DNM3: variants seen among roughly 807,000 people sequenced by gnomAD.
DNM3 encodes dynamin 3, also known as dynamin-3.
DNM3 carries 47 observed loss-of-function variants against 101.6 expected under a neutral mutation model. The ratio of observed to expected loss-of-function variants is 0.46; its 90% CI spans 0.37 to 0.59. The LOEUF is 0.59. Ranked by LOEUF, DNM3 falls within the 20% of genes least tolerant of loss-of-function variation. DNM3 has a pLI of 0.00. For missense variants in DNM3, 849 were observed against 1,085.7 expected (o/e 0.78, Z 3.06); for synonymous variants, 385 against 387.9 (o/e 0.99, Z 0.09).
At position 171,841,505 on chromosome 1, in the gene DNM3, A is replaced by AGCGGCGGGCTG. The variant is rs976789143; in HGVS notation, c.-141_-131dup. ...TGCGGGTCGTTAGCTGTCAGAGCCA[A>AGCGGCGGGCTG]GCGGCGGGCTGGCGGCGGGCTCCGA... On this transcript the variant is annotated 5_prime_UTR_variant, in exon 1 of 21. Transcript: ENST00000627582. 4.1e-5 allele frequency: 46 copies of AGCGGCGGGCTG among 1,116,864 alleles called. No individual in the cohort carries two copies. Among genetic ancestry groups the AGCGGCGGGCTG allele is most frequent in the Non-Finnish European group, 5.2e-5 (43 of 829,886 alleles). 69.2% of individuals were successfully genotyped at this position (1,116,864 alleles called of 1,614,324 possible). A position where few individuals can be genotyped will look rare whatever the true frequency, so the allele number is the denominator to read the frequency against.
At chr1:171,922,406 A>G (rs1053854559) in intron 2 of DNM3, among the ~76,000 whole-genome samples, 1 of 150,960 alleles carries the variant, frequency 6.6e-6, no homozygotes, top group African/African-American at 2.4e-5. Flanking sequence ...TGAATTGGCC[A>G]TTTTTCTTTT....
At chr1:172,031,235 G>C in intron 4 of DNM3, among the ~76,000 whole-genome samples, 1 of 152,156 alleles carries the variant, frequency 6.6e-6, no homozygotes, top group East Asian at 1.9e-4. Flanking sequence ...AAAGGAATGA[G>C]TTCGTGTCCT....
chr1:172,286,444 C>T (rs1010483032), intron 15 of DNM3, among the ~76,000 whole-genome samples: 1 of 152,186 alleles, frequency 6.6e-6, no homozygotes, highest in Non-Finnish European at 1.5e-5. Flanking sequence ...TTAAAAATGA[C>T]ATTGTAATAT....
Position 172,152,768 on chromosome 1 carries a change from TTTAG to T in DNM3, c.1659+21482_1659+21485del, listed in dbSNP as rs2058185346. ...TCCTTCACATTCATTATAGAGGAAT[TTTAG>T]TGAGTTTTTTGTGTATGTGCATGCG... On this transcript the variant is annotated intron_variant, in intron 14 of 20. Coordinates refer to ENST00000627582, the MANE Select transcript of DNM3 (RefSeq NM_015569.5). 2.0e-5 allele frequency among the ~76,000 whole-genome samples: 3 copies of T among 152,216 alleles called. No homozygotes were observed. The East Asian group carries it at 5.8e-4, about 29-fold the overall frequency.
intron 2 of DNM3, among the ~76,000 whole-genome samples, chr1:171,938,701 G>A (rs1314540665): frequency 2.0e-5 from 3 of 152,148 alleles, no homozygotes; most frequent in Non-Finnish European, 4.4e-5. Context: ...TAGATGGAGA[G>A]AGATGCAGAT....
At chr1:172,354,940 C>T (rs1322582766) in intron 17 of DNM3, among the ~76,000 whole-genome samples, 8 of 152,092 alleles carry the variant, frequency 5.3e-5, no homozygotes, top group African/African-American at 1.2e-4. Flanking sequence ...AAGAAAAATC[C>T]GCTTGCCGTT....
intron 10 of DNM3, among the ~76,000 whole-genome samples, chr1:172,065,509 T>A (rs2051579845): frequency 1.3e-5 from 2 of 152,212 alleles, no homozygotes; most frequent in South Asian, 4.1e-4. Context: ...TGAAGGCTTT[T>A]ATAAGCCTCA....
At chr1:172,009,047 T>A (rs891279755) in intron 4 of DNM3, among the ~76,000 whole-genome samples, 1 of 138,590 alleles carries the variant, frequency 7.2e-6, no homozygotes, top group Admixed American at 7.8e-5. Flanking sequence ...TATATTTATA[T>A]ATTATATAAT....
chr1:172,325,548 A>G (rs2065905883), intron 17 of DNM3, among the ~76,000 whole-genome samples: 1 of 150,734 alleles, frequency 6.6e-6, no homozygotes, highest in Non-Finnish European at 1.5e-5. Context: ...AAGCCTCCTC[A>G]AATCACAAAC....
chr1:172,014,963 G>C (rs916695527), intron 4 of DNM3, among the ~76,000 whole-genome samples: 1 of 152,038 alleles, frequency 6.6e-6, no homozygotes, highest in African/African-American at 2.4e-5. Flanking sequence ...TATTAGGAGT[G>C]TGAGGTTTGT....
At chr1:172,402,274 C>G (rs1462166370) in intron 20 of DNM3, among the ~76,000 whole-genome samples, 1 of 151,974 alleles carries the variant, frequency 6.6e-6, no homozygotes, top group Non-Finnish European at 1.5e-5. Flanking sequence ...AGATAAAACC[C>G]TTCATTTTTT....
intron 13 of DNM3, among the ~76,000 whole-genome samples, chr1:172,105,848 T>A (rs2054974353): frequency 6.6e-6 from 1 of 152,170 alleles, no homozygotes; most frequent in South Asian, 2.1e-4. Flanking sequence ...TAAATAGGAT[T>A]TTTCAATTAT....
intron 14 of DNM3, among the ~76,000 whole-genome samples, chr1:172,152,733 G>A (rs768289644): frequency 4.6e-5 from 7 of 151,986 alleles, no homozygotes; most frequent in African/African-American, 1.4e-4. Flanking sequence ...CCATTCCCAC[G>A]GTATGTGTCT....
chr1:171,909,224 T>C (rs939084065), intron 1 of DNM3, among the ~76,000 whole-genome samples: 2 of 152,076 alleles, frequency 1.3e-5, no homozygotes, highest in Non-Finnish European at 2.9e-5. Flanking sequence ...GTGGATCACT[T>C]GAGGTCAGGA....
intron 11 of DNM3, among the ~76,000 whole-genome samples, chr1:172,073,017 G>A (rs2052328857): frequency 2.6e-5 from 4 of 152,054 alleles, no homozygotes; most frequent in African/African-American, 9.7e-5. Flanking sequence ...AGGATAAAAT[G>A]GTGAACAAGA....
intron 14 of DNM3, among the ~76,000 whole-genome samples, chr1:172,207,806 C>T (rs1572954754): frequency 6.6e-6 from 1 of 152,088 alleles, no homozygotes; most frequent in East Asian, 1.9e-4. Context: ...CAGAGTAAGG[C>T]TTCTAGAATT....
intron 14 of DNM3, among the ~76,000 whole-genome samples, chr1:172,162,398 T>C (rs2058578169): frequency 6.6e-6 from 1 of 152,044 alleles, no homozygotes; most frequent in African/African-American, 2.4e-5. Flanking sequence ...CATTTGGCAG[T>C]AAATTCTGAC....
intron 14 of DNM3, among the ~76,000 whole-genome samples, chr1:172,155,293 CAAA>C (rs35898752): frequency 2.3e-5 from 3 of 129,608 alleles, no homozygotes; most frequent in African/African-American, 7.9e-5. Context: ...TTGTGCTTTG[CAAA>C]AAAAAAAAAA....
rs2047379291 is a variant in DNM3 at position 172,015,303 on chromosome 1, ATAAC to A, written c.590-17097_590-17094del. 2.6e-5 allele frequency among the ~76,000 whole-genome samples: 4 copies of A among 152,310 alleles called. No homozygotes were observed. In the South Asian group the frequency reaches 8.3e-4, roughly 32 times the overall value. On this transcript the variant is annotated intron_variant, in intron 4 of 20. Coordinates refer to ENST00000627582, the MANE Select transcript of DNM3 (RefSeq NM_015569.5). ...GAATCAGTTTGTTGATATCCACAAA[ATAAC>A]TGACTGGGATTTTGATTGAGATTTC...
Sources: gnomAD v4.1 joint callset for allele counts (sites outside exome capture counted in the v4.1 genomes callset) on GRCh38, gnomAD v4.1.1 for gene constraint, MANE v1.5 for transcripts, NCBI Gene and HGNC (gene_info 2026-07-23, HGNC 2026-07-21) for gene names.